ANKRD36: variants seen among roughly 807,000 people sequenced by gnomAD.
The protein encoded by ANKRD36 is ankyrin repeat domain 36.
Under a neutral mutation model 278.1 loss-of-function variants are expected in ANKRD36, and 179 were observed. The ratio of observed to expected loss-of-function variants is 0.64; its 90% confidence interval spans 0.57 to 0.73. The LOEUF (loss-of-function observed/expected upper bound fraction) is 0.73, where lower values mean the gene tolerates loss of function less well. ANKRD36 is among the 30% of genes least tolerant of loss of function. The pLI, the probability that ANKRD36 is intolerant of heterozygous loss-of-function variation, is 0.00. For synonymous variants in ANKRD36, 320 were observed against 641.1 expected, an observed-to-expected ratio of 0.50 and a Z score of 7.57; for missense variants, 1,159 against 1,956.7, an observed-to-expected ratio of 0.59 and a Z score of 7.69.
chr2:97,157,466 A>T (rs2047766120), intron 15 of ANKRD36, among the ~76,000 whole-genome samples: 1 of 117,524 alleles, frequency 8.5e-6, no homozygotes, highest in African/African-American at 3.4e-5. Flanking sequence ...CTTTCATTTC[A>T]CCTCTGTTTC....
chr2:97,203,987 C>T (rs1307303076), intron 48 of ANKRD36, 81 bp from the exon 49 acceptor site: 41 of 1,525,318 alleles, frequency 2.7e-5, no homozygotes, highest in Middle Eastern at 2.3e-4. Flanking sequence ...AGGACAGAGG[C>T]TGATGCTAAC....
intron 22 of ANKRD36, among the ~76,000 whole-genome samples, chr2:97,175,534 G>A (rs1043372613): frequency 2.3e-4 from 35 of 151,650 alleles, no homozygotes; most frequent in Admixed American, 4.0e-4. Flanking sequence ...TATTAGTCTT[G>A]CTAGTGGTCT....
At chr2:97,199,703 G>C (rs1391660287) in intron 44 of ANKRD36, among the ~76,000 whole-genome samples, 2 of 151,866 alleles carry the variant, frequency 1.3e-5, no homozygotes, top group Non-Finnish European at 2.9e-5. Flanking sequence ...CTTTCGGAAG[G>C]GTAAACTAGT....
intron 11 of ANKRD36, among the ~76,000 whole-genome samples, chr2:97,147,661 A>G (rs1370348553): frequency 6.6e-6 from 1 of 151,974 alleles, no homozygotes; most frequent in Non-Finnish European, 1.5e-5. Flanking sequence ...TTTTAGAAAG[A>G]GGGAGTGGCT....
intron 75 of ANKRD36, among the ~76,000 whole-genome samples, chr2:97,260,379 T>TAC (rs1553500928): frequency 0.02 from 2,454 of 120,420 alleles, 55 homozygotes; most frequent in East Asian, 0.057. Flanking sequence ...TATATATATA[T>TAC]ACACACATAT....
chr2:97,211,786 A>G (rs1170394588), intron 58 of ANKRD36, 45 bp downstream of exon 58: 1 of 1,532,518 alleles, frequency 6.5e-7, no homozygotes, highest in East Asian at 2.5e-5. Flanking sequence ...TCAGGGTAGA[A>G]GAGAACTTCT....
intron 20 of ANKRD36, 64 bp downstream of exon 20, chr2:97,164,533 G>A: frequency 1.3e-6 from 2 of 1,502,034 alleles, no homozygotes; most frequent in South Asian, 1.2e-5. Flanking sequence ...AATGCTCATA[G>A]TTTTTTGATT....
intron 36 of ANKRD36, among the ~76,000 whole-genome samples, chr2:97,191,863 A>T (rs1304674773): frequency 1.3e-5 from 2 of 151,718 alleles, no homozygotes; most frequent in Non-Finnish European, 1.5e-5. Context: ...GGCATCAGAG[A>T]TACATGTTTT....
At chr2:97,155,407 A>G (rs1335029529) in intron 15 of ANKRD36, among the ~76,000 whole-genome samples, 2 of 145,684 alleles carry the variant, frequency 1.4e-5, no homozygotes, top group African/African-American at 4.9e-5. Context: ...CAGGAGTTTA[A>G]GACCAAGCTT....
chr2:97,137,982 TC>T (rs2041962965), intron 6 of ANKRD36, among the ~76,000 whole-genome samples: 2 of 152,118 alleles, frequency 1.3e-5, no homozygotes, highest in East Asian at 1.9e-4. Flanking sequence ...TTATTTAAGT[TC>T]CTTGTAGATT....
Position 97,158,586 on chromosome 2 carries a change from A to C in ANKRD36, c.1322-2A>C, listed in dbSNP as rs1559390301. 3 of 1,536,046 alleles carry C rather than the reference A, an allele frequency of 2.0e-6. No individual in the cohort carries two copies. The highest frequency in any genetic ancestry group is 3.3e-4 in the Middle Eastern group (2 of 5,984). On this transcript the variant is annotated splice_acceptor_variant, in intron 16 of 75. Coordinates refer to ENST00000420699, the MANE Select transcript of ANKRD36 (RefSeq NM_001354587.1). LOFTEE classifies it high-confidence loss of function. ...CTACTCTTGACTTTGTTTTTACTGT[A>C]GTAGATGCTGCATGTGGCATTGACA...
intron 6 of ANKRD36, among the ~76,000 whole-genome samples, chr2:97,135,466 A>G (rs572146051): frequency 1.3e-5 from 2 of 152,144 alleles, no homozygotes; most frequent in South Asian, 2.1e-4. Flanking sequence ...AGCTCACAAA[A>G]TATCATGTAC....
chr2:97,136,716 G>T (rs977985093), intron 6 of ANKRD36, among the ~76,000 whole-genome samples: 1 of 151,814 alleles, frequency 6.6e-6, no homozygotes, highest in African/African-American at 2.4e-5. Context: ...ACATCATGTT[G>T]AATATGTGTT....
intron 44 of ANKRD36, among the ~76,000 whole-genome samples, chr2:97,199,128 A>G (rs2060595862): frequency 6.6e-6 from 1 of 151,914 alleles, no homozygotes; most frequent in Non-Finnish European, 1.5e-5. Context: ...GTGAGACAGG[A>G]AGGTGTGAAA....
At chr2:97,197,426 C>G (rs1292678619) in intron 42 of ANKRD36, among the ~76,000 whole-genome samples, 1 of 151,964 alleles carries the variant, frequency 6.6e-6, no homozygotes, top group Admixed American at 6.6e-5. Context: ...CATAAAAACA[C>G]ACTGACTCAT....
intron 2 of ANKRD36, 28 bp downstream of exon 2, chr2:97,118,206 G>C: frequency 1.9e-6 from 3 of 1,580,274 alleles, no homozygotes; most frequent in Non-Finnish European, 2.6e-6. Flanking sequence ...CTTTGAGCAT[G>C]AGATGGATTT....
rs371142936 is a variant in ANKRD36, at chr2:97,131,040, A to C, written c.799+3906A>C. On this transcript the variant is annotated intron_variant, in intron 6 of 75. Transcript: ENST00000420699. ...ATTTTCAAATTAAGTTAAGACACTT[A>C]AGGTGTATTTAAAATTTTCAAACTT... is the stretch of plus-strand genomic sequence containing the variant. 1.3e-4 allele frequency among the ~76,000 whole-genome samples: 20 copies of C among 152,200 alleles called. No homozygotes were observed. The South Asian group carries it at 2.3e-3, about 18-fold the overall frequency.
intron 4 of ANKRD36, among the ~76,000 whole-genome samples, chr2:97,123,340 C>T (rs539938096): frequency 7.4e-6 from 1 of 135,672 alleles, no homozygotes; most frequent in South Asian, 2.2e-4. Flanking sequence ...TATGATCTTA[C>T]ATTAGCTAAA....
intron 11 of ANKRD36, among the ~76,000 whole-genome samples, chr2:97,147,459 A>G (rs930702634): frequency 2.6e-5 from 4 of 151,948 alleles, no homozygotes; most frequent in Non-Finnish European, 5.9e-5. Flanking sequence ...CCTAGAGACT[A>G]AACAAAGTAT....
Sources: allele counts gnomAD v4.1 joint callset (sites outside exome capture counted in the v4.1 genomes callset), GRCh38; gene constraint gnomAD v4.1.1; transcripts MANE v1.5; gene names NCBI Gene and HGNC (gene_info 2026-07-23, HGNC 2026-07-21).